Variants in DHX34 observed in about 807,000 individuals in gnomAD.
The protein encoded by DHX34 is probable ATP-dependent RNA helicase DHX34.
DHX34 carries 96 observed loss-of-function variants against 111.1 expected under a neutral mutation model. That is an observed-to-expected ratio of 0.86 (90% CI 0.73 to 1.02). The LOEUF is 1.02. DHX34 is among the 50% of genes least tolerant of loss of function. The probability of loss-of-function intolerance (pLI) is 0.00; values close to 1 mark genes in which losing one functional copy is unlikely to be tolerated. For missense variants in DHX34, 1,560 were observed against 1,579.9 expected (o/e 0.99, Z 0.21); for synonymous variants, 688 against 670.4 (o/e 1.03, Z -0.41).
intron 3 of DHX34, among the ~76,000 whole-genome samples, chr19:47,356,347 A>G (rs1036240041): frequency 6.6e-6 from 1 of 151,996 alleles, no homozygotes; most frequent in Non-Finnish European, 1.5e-5. Context: ...AAAAGAAAGA[A>G]TGGGTCGGGC....
chr19:47,350,577 A>C (rs954755080), intron 1 of DHX34, among the ~76,000 whole-genome samples: 37 of 151,552 alleles, frequency 2.4e-4, no homozygotes, highest in Non-Finnish European at 4.6e-4. Context: ...AGGTGCCACC[A>C]CCCTGGCTAA....
chr19:47,381,097 T>G, intron 15 of DHX34, 89 bp from the exon 16 acceptor site: 1 of 1,574,686 alleles, frequency 6.4e-7, no homozygotes, highest in South Asian at 1.2e-5. Flanking sequence ...CCCGTGGCCC[T>G]GAGGGCTTCT....
At chr19:47,381,574 T>TG in intron 16 of DHX34, 1 of 605,628 alleles carries the variant, frequency 1.7e-6, no homozygotes, top group South Asian at 2.3e-5. Context: ...TTTGTCTCTG[T>TG]TTCTGTCTCT....
At chr19:47,359,636 G>C (rs538327490) in intron 4 of DHX34, among the ~76,000 whole-genome samples, 5 of 152,166 alleles carry the variant, frequency 3.3e-5, no homozygotes, top group African/African-American at 1.2e-4. Context: ...ACAAAAATTA[G>C]CCGGGCATGG....
rs1317270493 is a variant in DHX34 at position 47,375,555 on chromosome 19, C to T, written c.2154C>T (p.Arg718=). ...SYSRLQQRRE[R]RALHQLKRQH... ...GTCGGTTGCAGCAGCGCCGGGAGCG[C>T]CGGGCCCTGCACCAGCTGAAACGCC... The change falls in exon 10 of 17, where the codon CGC becomes CGT. Residue 718 remains arginine, a synonymous_variant. Coordinates refer to ENST00000328771, the MANE Select transcript of DHX34 (RefSeq NM_014681.6). 9 of 1,549,892 alleles carry T rather than the reference C, an allele frequency of 5.8e-6. No individual in the cohort carries two copies. Among genetic ancestry groups the T allele is most frequent in the East Asian group, 2.4e-5 (1 of 41,622 alleles).
At chr19:47,375,194 G>A (rs1970096388) in intron 9 of DHX34, among the ~76,000 whole-genome samples, 1 of 152,210 alleles carries the variant, frequency 6.6e-6, no homozygotes, top group African/African-American at 2.4e-5. Flanking sequence ...GGGGCAGGTG[G>A]GGCAGTCAGC....
intron 6 of DHX34, chr19:47,366,773 C>T: frequency 4.7e-6 from 4 of 859,880 alleles, no homozygotes; most frequent in Non-Finnish European, 5.6e-6. Context: ...GGGGTTTCAC[C>T]ATGTTGGCCA....
Position 47,379,761 on chromosome 19 carries a change from C to G in DHX34, c.2758C>G (p.Leu920Val). 1.2e-6 allele frequency: 2 copies of G among 1,612,740 alleles called. No homozygotes were observed. Among genetic ancestry groups the G allele is most frequent in the East Asian group, 4.5e-5 (2 of 44,838 alleles). The change falls in exon 14 of 17, where the codon CTG becomes GTG. Residue 920 changes from leucine to valine, a missense_variant. Physicochemically the swap from Leu to Val is conservative, Grantham distance 32 (BLOSUM62 1). Coordinates refer to ENST00000328771, the MANE Select transcript of DHX34 (RefSeq NM_014681.6). ...SLDTNGDCSR[L>V]VADGWLELQL... ...GGACACCAATGGTGACTGCTCCCGCCTGGTGGCCGATGGCTGGCTGGAGCT... is the reference window on the plus strand; with the variant it reads ...GGACACCAATGGTGACTGCTCCCGCGTGGTGGCCGATGGCTGGCTGGAGCT...
chr19:47,358,024 C>A lies in DHX34; in HGVS notation c.1176C>A (p.Ser392Arg), dbSNP rs767635576. The A allele has an allele frequency of 1.2e-6, 2 of 1,613,558 alleles. No homozygotes were observed. The highest frequency in any genetic ancestry group is 1.7e-6 in the Non-Finnish European group (2 of 1,180,038). The change falls in exon 4 of 17, where the codon AGC (serine) becomes AGA (arginine). Residue 392 changes from serine (S) to arginine (R), a missense_variant. Transcript: ENST00000328771. ...TCCTCAGCGGCATGGCGGAGATCAGCGCCGTGCTGGAGGCTGCCCAGACCT... is the reference window on the plus strand; with the variant it reads ...TCCTCAGCGGCATGGCGGAGATCAGAGCCGTGCTGGAGGCTGCCCAGACCT... ...LVFLSGMAEI[S>R]AVLEAAQTYA... is the part of the protein sequence containing the mutation.
rs1970038574 is a variant in DHX34, at chr19:47,373,613, G to C, written c.1977G>C (p.Arg659=). The C allele has an allele frequency of 6.2e-7, 1 of 1,613,696 alleles. No homozygotes were observed. The highest frequency in any genetic ancestry group is 8.5e-7 in the Non-Finnish European group (1 of 1,179,958). ...CCTCCACCCAGGTGAAATCTGAACG[G>C]AGCAGAAACTCTCGCAAGTGGTGCC... ...FNAWVQVKSE[R]SRNSRKWCRR... The change falls in exon 9 of 17, where the codon CGG becomes CGC. Residue 659 remains arginine (R), a synonymous_variant. Coordinates refer to ENST00000328771, the MANE Select transcript of DHX34 (RefSeq NM_014681.6).
chr19:47,375,426 G>A (rs1431990680), intron 9 of DHX34, 40 bp from the exon 10 acceptor site: 2 of 1,539,794 alleles, frequency 1.3e-6, no homozygotes, highest in Non-Finnish European at 1.7e-6. Flanking sequence ...AGCCCACTGA[G>A]TCTGCCCTGA....
At chr19:47,361,426 C>T (rs970892125) in intron 5 of DHX34, among the ~76,000 whole-genome samples, 4 of 151,656 alleles carry the variant, frequency 2.6e-5, no homozygotes, top group African/African-American at 9.7e-5. Flanking sequence ...CCACTGCACT[C>T]AAGCCTGGGC....
chr19:47,361,063 G>A (rs1017367677), intron 5 of DHX34, among the ~76,000 whole-genome samples: 1 of 152,210 alleles, frequency 6.6e-6, no homozygotes, highest in African/African-American at 2.4e-5. Context: ...AGTGTTTGGA[G>A]ACACTGGAGC....
intron 4 of DHX34, among the ~76,000 whole-genome samples, chr19:47,359,024 A>G (rs186058670): frequency 2.0e-5 from 3 of 152,130 alleles, no homozygotes; most frequent in African/African-American, 7.2e-5. Flanking sequence ...GGGCAGTGCC[A>G]GTTTATGCTT....
chr19:47,380,339 T>C (rs1189911669), intron 14 of DHX34, among the ~76,000 whole-genome samples: 1 of 152,128 alleles, frequency 6.6e-6, no homozygotes, highest in Non-Finnish European at 1.5e-5. Context: ...CTGAGCAGAC[T>C]TGAAACCAGC....
intron 5 of DHX34, among the ~76,000 whole-genome samples, chr19:47,360,523 G>A (rs1317383763): frequency 6.6e-6 from 1 of 152,084 alleles, no homozygotes; most frequent in Non-Finnish European, 1.5e-5. Flanking sequence ...CTTTCTCCAG[G>A]TATCCACACA....
Position 47,377,202 on chromosome 19 carries a change from T to G in DHX34, c.2702T>G (p.Leu901Arg). 2 of 1,612,812 alleles carry G rather than the reference T, an allele frequency of 1.2e-6. No homozygotes were observed. The highest frequency in any genetic ancestry group is 1.7e-6 in the Non-Finnish European group (2 of 1,179,470). The change falls in exon 13 of 17, where the codon CTC (leucine) becomes CGC (arginine). Residue 901 changes from leucine (L) to arginine (R), a missense_variant. Physicochemically the swap from Leu to Arg is moderately radical, Grantham distance 102. Transcript: ENST00000328771. Reference protein sequence around the residue: ...YLVNCVRIPALQSLLLFSRSL... With the variant: ...YLVNCVRIPARQSLLLFSRSL... ...GTGAACTGCGTCCGCATCCCTGCCC[T>G]CCAGGTGGGCCTCTGCCCCACCCCG...
intron 3 of DHX34, 79 bp downstream of exon 3, chr19:47,355,429 T>C: frequency 6.5e-7 from 1 of 1,533,868 alleles, no homozygotes; most frequent in Non-Finnish European, 8.8e-7. Context: ...CTCTTCTCTC[T>C]GCTGCTGTAT....
At position 47,353,267 on chromosome 19, in the gene DHX34, G is replaced by C. The variant is rs747282134; in HGVS notation, c.237G>C (p.Glu79Asp). 25 of 1,614,082 alleles carry C rather than the reference G, an allele frequency of 1.5e-5. No homozygotes were observed. Among genetic ancestry groups the C allele is most frequent in the Non-Finnish European group, 1.2e-5 (14 of 1,180,040 alleles). Residue 79 changes from glutamate (E) to aspartate (D), a missense_variant, in exon 2 of 17, where the codon GAG becomes GAC. Coordinates refer to ENST00000328771, the MANE Select transcript of DHX34 (RefSeq NM_014681.6). The surrounding 1 kb of genome is among the most constrained non-coding windows in gnomAD (Gnocchi z 4.6). ...RFQNLKTSRK[E>D]EKDPGQPKHS... ...AGAATCTCAAGACCTCCAGGAAGGA[G>C]GAGAAAGACCCTGGACAGCCCAAGC...
Sources: allele counts gnomAD v4.1 joint callset (sites outside exome capture counted in the v4.1 genomes callset), GRCh38; gene constraint gnomAD v4.1.1; non-coding constraint Gnocchi (gnomAD v3.1); transcripts MANE v1.5; gene names NCBI Gene and HGNC (gene_info 2026-07-23, HGNC 2026-07-21).